The following UBXN2B variants were observed in gnomAD, a reference collection of about 807,000 sequenced individuals.
UBXN2B encodes UBX domain protein 2B.
Under a neutral mutation model 37.5 loss-of-function variants are expected in UBXN2B, and 19 were observed. That is an observed-to-expected ratio of 0.51 (90% CI 0.35 to 0.74). UBXN2B has a LOEUF of 0.74. Among genes scored for constraint, UBXN2B ranks in the 30% least tolerant of loss-of-function variants. UBXN2B has a pLI of 0.01. For missense variants in UBXN2B, 370 were observed against 393.2 expected (o/e 0.94, Z 0.50); for synonymous variants, 145 against 143.8 (o/e 1.01, Z -0.06).
Position 58,430,665 on chromosome 8 carries a change from C to G in UBXN2B, c.335C>G (p.Ser112Cys). ...ACAAGAGCTTCAGGTGATGATAAAT[C>G]TAAGGTCAGTGCTCAATTTTAAACT... ...EATRASGDDK[S>C]KSFTGGGYRL... The change falls in exon 3 of 8, where the codon TCT becomes TGT. Residue 112 changes from serine (S) to cysteine (C), a missense_variant. Physicochemically the swap from Ser to Cys is moderately radical, Grantham distance 112. Around this residue, in one of 3 missense-constraint regions of UBXN2B, gnomAD observed 197 missense variants for 170.2 expected, o/e 1.16. Coordinates refer to ENST00000399598, the MANE Select transcript of UBXN2B (RefSeq NM_001077619.2). 1 of 1,547,596 alleles carries G rather than the reference C, an allele frequency of 6.5e-7. No individual in the cohort carries two copies. Among genetic ancestry groups the G allele is most frequent in the Non-Finnish European group, 8.7e-7 (1 of 1,146,638 alleles).
In UBXN2B at chr8:58,449,684, CCTT is replaced by C. The variant is rs1276164644; in HGVS notation, c.*2137_*2139del. 1.3e-5 allele frequency: 2 copies of C among 152,342 alleles called. No homozygotes were observed. The highest frequency in any genetic ancestry group is 4.1e-4 in the South Asian group (2 of 4,828). 9.4% of individuals were successfully genotyped at this position (152,342 alleles called of 1,614,324 possible). A position where few individuals can be genotyped will look rare whatever the true frequency, so the allele number is the denominator to read the frequency against. ...TCAATTTACAAAACCAGCGAGGCAC[CCTT>C]CTTTAAGTTTCAAGGCCTGGGAGTA... On this transcript the variant is annotated 3_prime_UTR_variant, in exon 8 of 8. Transcript: ENST00000399598.
At chr8:58,417,580 T>C (rs200302061) in intron 2 of UBXN2B, among the ~76,000 whole-genome samples, 4 of 152,226 alleles carry the variant, frequency 2.6e-5, no homozygotes, top group Non-Finnish European at 4.4e-5. Context: ...GTGTCTTTTA[T>C]TGCTGTGAGT....
chr8:58,450,210 C>T lies in UBXN2B; in HGVS notation c.*2659C>T, dbSNP rs1808773595. 1 of 152,192 alleles carries T rather than the reference C, an allele frequency of 6.6e-6. No homozygotes were observed. The highest frequency in any genetic ancestry group is 1.5e-5 in the Non-Finnish European group (1 of 68,034). 9.4% of individuals were successfully genotyped at this position (152,192 alleles called of 1,614,324 possible). A position where few individuals can be genotyped will look rare whatever the true frequency, so the allele number is the denominator to read the frequency against. ...TGAATAGGCCGCGAATTTCCCAAAT[C>T]ATCAAGTCCTGGTTTCTTTATATTT... is the stretch of plus-strand genomic sequence containing the variant. On this transcript the variant is annotated 3_prime_UTR_variant, in exon 8 of 8. Transcript: ENST00000399598.
chr8:58,431,205 C>T (rs762216488), intron 3 of UBXN2B, among the ~76,000 whole-genome samples: 5 of 152,244 alleles, frequency 3.3e-5, no homozygotes, highest in African/African-American at 9.6e-5. Context: ...TTAAACCAGC[C>T]GGGTGTGGTG....
intron 3 of UBXN2B, 127 bp downstream of exon 3, chr8:58,430,796 T>G (rs1315984119): frequency 3.9e-6 from 3 of 774,312 alleles, no homozygotes; most frequent in Non-Finnish European, 5.3e-6. Flanking sequence ...TTCATTTTTA[T>G]AAAATTATAA....
intron 6 of UBXN2B, among the ~76,000 whole-genome samples, chr8:58,443,638 C>A (rs79200908): frequency 0.25 from 14,634 of 58,728 alleles, 1,175 homozygotes; most frequent in Middle Eastern, 0.36. Flanking sequence ...ACTAAAAATC[C>A]AAAAAAAAAA....
intron 2 of UBXN2B, chr8:58,425,676 T>C: frequency 8.5e-7 from 1 of 1,174,332 alleles, no homozygotes; most frequent in Non-Finnish European, 1.3e-6. Flanking sequence ...TTTGCTTAGT[T>C]CTCGAATTCT....
intron 7 of UBXN2B, among the ~76,000 whole-genome samples, chr8:58,446,779 A>ATTTTTTTTCTTTTTTTTTTTTTTT (rs1808683047): frequency 5.8e-5 from 1 of 17,386 alleles, no homozygotes. Flanking sequence ...TACAACCTGC[A>ATTTTTTTTCTTTTTTTTTTTTTTT]TTTTTTTTTT....
intron 2 of UBXN2B, among the ~76,000 whole-genome samples, chr8:58,421,728 A>C (rs1224524825): frequency 1.3e-5 from 2 of 152,130 alleles, no homozygotes; most frequent in African/African-American, 4.8e-5. Flanking sequence ...ATCCCATGTA[A>C]AGTAACCTCA....
Position 58,447,540 on chromosome 8 carries a change from C to G in UBXN2B, c.985C>G (p.Gln329Glu), listed in dbSNP as rs1233173052. ...ADILNTVLLQ[Q>E]LK ...TATTCTTAACACTGTGTTACTCCAG[C>G]AACTAAAATAATATTGTTCCTGTCC... Residue 329 changes from glutamine to glutamate, a missense_variant, in exon 8 of 8, where the codon CAA becomes GAA. Around this residue, in one of 3 missense-constraint regions of UBXN2B, gnomAD observed 83 missense variants for 83.5 expected, o/e 0.99. Transcript: ENST00000399598. The G allele has an allele frequency of 1.2e-6, 2 of 1,608,948 alleles. No homozygotes were observed. Among genetic ancestry groups the G allele is most frequent in the African/African-American group, 1.3e-5 (1 of 74,822 alleles).
chr8:58,424,672 A>T, intron 2 of UBXN2B: 3 of 1,156,600 alleles, frequency 2.6e-6, no homozygotes, highest in Middle Eastern at 2.9e-4. Context: ...CACAGCGTGG[A>T]GTTGGAGTAC....
chr8:58,417,084 G>T, intron 2 of UBXN2B, 131 bp downstream of exon 2: 1 of 675,488 alleles, frequency 1.5e-6, no homozygotes. Flanking sequence ...TTCCAAGATC[G>T]AGGCAGATTT....
intron 2 of UBXN2B, among the ~76,000 whole-genome samples, chr8:58,429,248 TACGGCAGCAGACAGCTGCA>T: frequency 6.6e-6 from 1 of 152,088 alleles, no homozygotes; most frequent in South Asian, 2.1e-4. Flanking sequence ...GGAGGAGTGT[TACGGCAGCAGACAGCTGCA>T]GCAGGAAGTG....
At chr8:58,436,137 T>C (rs1463141105) in intron 5 of UBXN2B, among the ~76,000 whole-genome samples, 1 of 152,194 alleles carries the variant, frequency 6.6e-6, no homozygotes, top group Non-Finnish European at 1.5e-5. Flanking sequence ...CCTATGTAAA[T>C]GTGACAGGTA....
chr8:58,436,030 A>G (rs1430651097), intron 5 of UBXN2B, among the ~76,000 whole-genome samples: 2 of 152,244 alleles, frequency 1.3e-5, no homozygotes, highest in Non-Finnish European at 2.9e-5. Flanking sequence ...GTAATTTATT[A>G]TAAAATGATA....
intron 6 of UBXN2B, among the ~76,000 whole-genome samples, chr8:58,444,897 C>T (rs1469338): frequency 0.15 from 22,820 of 152,090 alleles, 1,951 homozygotes; most frequent in African/African-American, 0.23. Context: ...GAGAGAGAAG[C>T]TTTTTGAATG....
At chr8:58,416,687 A>C (rs1458138361) in intron 1 of UBXN2B, among the ~76,000 whole-genome samples, 163 bp from the exon 2 acceptor site, 1 of 152,190 alleles carries the variant, frequency 6.6e-6, no homozygotes, top group Admixed American at 6.5e-5. Context: ...ATATAATGAG[A>C]TGCAGTAAGT....
intron 6 of UBXN2B, among the ~76,000 whole-genome samples, chr8:58,444,727 C>T (rs1297125402): frequency 6.6e-6 from 1 of 152,124 alleles, no homozygotes; most frequent in Non-Finnish European, 1.5e-5. Flanking sequence ...AAAAGAAATT[C>T]CTTAATATCT....
In UBXN2B at chr8:58,424,877, A is replaced by C. The variant is rs997911620; in HGVS notation, c.189-5642A>C. 5 of 1,120,054 alleles carry C rather than the reference A, an allele frequency of 4.5e-6. No homozygotes were observed. In the African/African-American group the frequency reaches 7.6e-5, roughly 17 times the overall value. 69.4% of individuals were successfully genotyped at this position (1,120,054 alleles called of 1,614,324 possible). The stretch of plus-strand genomic sequence containing the variant: ...GTCTGGACCATCCCTGACCTCTGAG[A>C]CTGCACCATCTGGATAGTTTTGAGA... On this transcript the variant is annotated intron_variant, in intron 2 of 7. Transcript: ENST00000399598.
Sources: gnomAD v4.1 joint callset for allele counts (sites outside exome capture counted in the v4.1 genomes callset) on GRCh38, gnomAD v4.1.1 for gene constraint, gnomAD v4.1.1 regional missense constraint, MANE v1.5 for transcripts, NCBI Gene and HGNC (gene_info 2026-07-23, HGNC 2026-07-21) for gene names.